Variants in MCPH1 observed in about 807,000 individuals in gnomAD.
MCPH1 encodes the protein microcephalin 1.
In MCPH1, 104 loss-of-function variants were observed where a neutral mutation model predicts 84.5. The observed-to-expected ratio is 1.23, with a 90% CI of 1.05 to 1.45. The LOEUF is 1.45. MCPH1 is among the 40% of genes most tolerant of loss of function. The pLI is 0.00. For missense variants in MCPH1, 1,498 were observed against 1,005.7 expected (o/e 1.49, Z -6.62); for synonymous variants, 514 against 366.8 (o/e 1.40, Z -4.58).
intron 12 of MCPH1, among the ~76,000 whole-genome samples, chr8:6,510,391 T>C (rs1186466757): frequency 3.3e-5 from 5 of 152,206 alleles, no homozygotes; most frequent in Non-Finnish European, 1.5e-5. Flanking sequence ...AGCACCAAGA[T>C]GATGCCCTTC....
intron 12 of MCPH1, among the ~76,000 whole-genome samples, chr8:6,526,438 A>C (rs955827744): frequency 3.9e-5 from 6 of 152,116 alleles, no homozygotes; most frequent in African/African-American, 1.4e-4. Flanking sequence ...CTGTCTCAAA[A>C]AAAAAACACA....
chr8:6,526,187 C>T (rs141623357), intron 12 of MCPH1, among the ~76,000 whole-genome samples: 351 of 139,614 alleles, frequency 2.5e-3, no homozygotes, highest in Middle Eastern at 4.0e-3. Flanking sequence ...TAGGATGCTG[C>T]GGTGGGCAGA....
At chr8:6,515,949 G>A (rs1490236881) in intron 12 of MCPH1, among the ~76,000 whole-genome samples, 2 of 152,164 alleles carry the variant, frequency 1.3e-5, no homozygotes, top group African/African-American at 2.4e-5. Context: ...CAGAGGAAGT[G>A]CAGTGGCTGC....
chr8:6,460,515 A>G (rs1266411254), intron 9 of MCPH1, among the ~76,000 whole-genome samples: 1 of 151,770 alleles, frequency 6.6e-6, no homozygotes, highest in Non-Finnish European at 1.5e-5. Context: ...CATGCCCTCT[A>G]TTTGATTTAT....
chr8:6,421,506 A>G lies in MCPH1; in HGVS notation c.233+6623A>G, dbSNP rs577371252. On this transcript the variant is annotated intron_variant, in intron 3 of 13. Transcript: ENST00000344683. Reference sequence around the variant, plus strand: ...CCAAATCCACCCTGCCATACTGTTTATTTTTTTTTAATGGCCCATGAGGTA... The same window carrying G: ...CCAAATCCACCCTGCCATACTGTTTGTTTTTTTTTAATGGCCCATGAGGTA... Among the ~76,000 whole-genome samples, 222 of 150,478 alleles carry G rather than the reference A, an allele frequency of 1.5e-3. 2 individuals carry two copies. Among genetic ancestry groups the G allele is most frequent in the African/African-American group, 5.1e-3 (210 of 41,102 alleles).
intron 5 of MCPH1, among the ~76,000 whole-genome samples, chr8:6,436,605 T>C (rs764679427): frequency 3.3e-5 from 5 of 151,720 alleles, no homozygotes; most frequent in Non-Finnish European, 7.4e-5. Flanking sequence ...TTATGTTCTA[T>C]AACAAGATGT....
intron 13 of MCPH1, among the ~76,000 whole-genome samples, chr8:6,628,328 G>T (rs1010282653): frequency 2.0e-5 from 3 of 151,758 alleles, no homozygotes; most frequent in Admixed American, 2.0e-4. Flanking sequence ...AAAATTAGCC[G>T]GTCGTGGTGG....
intron 12 of MCPH1, among the ~76,000 whole-genome samples, chr8:6,608,831 A>G (rs183598006): frequency 9.8e-5 from 15 of 152,314 alleles, no homozygotes; most frequent in Non-Finnish European, 1.9e-4. Context: ...AGCTTCACCT[A>G]GGGAGCTTTA....
chr8:6,639,954 G>A (rs923722072), intron 13 of MCPH1, among the ~76,000 whole-genome samples: 25 of 151,760 alleles, frequency 1.6e-4, no homozygotes, highest in African/African-American at 6.1e-4. Context: ...GCCCAGGCTG[G>A]CCTCAAACTC....
intron 12 of MCPH1, among the ~76,000 whole-genome samples, chr8:6,556,128 T>A (rs1290900969): frequency 6.6e-6 from 1 of 152,196 alleles, no homozygotes; most frequent in Non-Finnish European, 1.5e-5. Context: ...AACCAGTGAC[T>A]TAACTTCTCA....
At chr8:6,461,866 C>T (rs1394671302) in intron 9 of MCPH1, among the ~76,000 whole-genome samples, 1 of 152,172 alleles carries the variant, frequency 6.6e-6, no homozygotes, top group Non-Finnish European at 1.5e-5. Context: ...TAGAAATACA[C>T]GAATGTAATT....
chr8:6,466,286 T>C (rs921080769), intron 9 of MCPH1, among the ~76,000 whole-genome samples: 1 of 151,278 alleles, frequency 6.6e-6, no homozygotes, highest in African/African-American at 2.4e-5. Flanking sequence ...AGAGGCACGT[T>C]CCATCACGCC....
At chr8:6,533,786 A>G (rs961996998) in intron 12 of MCPH1, among the ~76,000 whole-genome samples, 6 of 152,100 alleles carry the variant, frequency 3.9e-5, no homozygotes, top group Non-Finnish European at 5.9e-5. Context: ...TAGAGAAACC[A>G]TTCGTGGAGT....
At chr8:6,476,480 A>C (rs1213702318) in intron 9 of MCPH1, among the ~76,000 whole-genome samples, 3 of 152,116 alleles carry the variant, frequency 2.0e-5, no homozygotes, top group Admixed American at 2.0e-4. Context: ...GACCAAACTT[A>C]AAAGCAGAAA....
intron 12 of MCPH1, chr8:6,618,918 G>T: frequency 6.6e-6 from 1 of 152,270 alleles, no homozygotes; most frequent in Non-Finnish European, 1.5e-5. Context: ...CGTGGCCTCT[G>T]GGGGCTTCAG....
At chr8:6,629,005 C>G (rs1416978316) in intron 13 of MCPH1, among the ~76,000 whole-genome samples, 1 of 152,192 alleles carries the variant, frequency 6.6e-6, no homozygotes, top group Non-Finnish European at 1.5e-5. Context: ...AGTGACAGAG[C>G]TCATGTTATG....
chr8:6,446,266 G>A (rs763699525), intron 8 of MCPH1: 19 of 984,256 alleles, frequency 1.9e-5, no homozygotes, highest in Non-Finnish European at 2.3e-5. Flanking sequence ...ATAGGTTCCA[G>A]CAACCAAAAT....
At chr8:6,532,797 C>T (rs527355753) in intron 12 of MCPH1, among the ~76,000 whole-genome samples, 2 of 152,264 alleles carry the variant, frequency 1.3e-5, no homozygotes, top group African/African-American at 4.8e-5. Flanking sequence ...TGAGGGCAGC[C>T]ACAGGGACTG....
chr8:6,520,053 TTC>T, intron 12 of MCPH1: 1 of 1,577,342 alleles, frequency 6.3e-7, no homozygotes, highest in Non-Finnish European at 8.6e-7. Flanking sequence ...GACTTGTTAT[TTC>T]AAGAGCCAAT....
Sources: allele counts gnomAD v4.1 joint callset (sites outside exome capture counted in the v4.1 genomes callset), GRCh38; gene constraint gnomAD v4.1.1; transcripts MANE v1.5; gene names NCBI Gene and HGNC (gene_info 2026-07-23, HGNC 2026-07-21).